The following RNF214 variants were observed in gnomAD, a reference collection of about 807,000 sequenced individuals.
RNF214 encodes ring finger protein 214.
A neutral mutation model predicts 75.9 loss-of-function variants in RNF214; 25 were observed. That is an observed-to-expected ratio of 0.33 (90% CI 0.24 to 0.46). The LOEUF is 0.46. RNF214 is among the 20% of genes least tolerant of loss of function. The pLI is 1.00. For synonymous variants in RNF214, 314 were observed against 308.8 expected (o/e 1.02, Z -0.18); for missense variants, 725 against 857.5 (o/e 0.85, Z 1.93).
At chr11:117,257,067 G>A (rs1285466803) in intron 6 of RNF214, among the ~76,000 whole-genome samples, 1 of 152,168 alleles carries the variant, frequency 6.6e-6, no homozygotes, top group Non-Finnish European at 1.5e-5. Context: ...TGCCGCAGTG[G>A]CTCACATGCC....
At chr11:117,235,024 C>T (rs1198516801) in intron 2 of RNF214, among the ~76,000 whole-genome samples, 1 of 152,124 alleles carries the variant, frequency 6.6e-6, no homozygotes, top group African/African-American at 2.4e-5. Flanking sequence ...TATGCATGTC[C>T]TCCCATATAC....
chr11:117,280,981 G>GC (rs150429730), intron 8 of RNF214, among the ~76,000 whole-genome samples: 1 of 100,770 alleles, frequency 9.9e-6, no homozygotes, highest in Non-Finnish European at 1.9e-5. Context: ...TAGGAATAGG[G>GC]CTTTTTTTTT....
intron 6 of RNF214, among the ~76,000 whole-genome samples, chr11:117,270,805 C>T (rs2033895477): frequency 6.6e-6 from 1 of 152,152 alleles, no homozygotes; most frequent in Non-Finnish European, 1.5e-5. Flanking sequence ...AGGCTGGTCT[C>T]AACTCAAATG....
Position 117,281,588 on chromosome 11 carries a change from T to G in RNF214, c.1237-12T>G, listed in dbSNP as rs1322125930. The G allele has an allele frequency of 6.5e-7, 1 of 1,538,316 alleles. No individual in the cohort carries two copies. Among genetic ancestry groups the G allele is most frequent in the Non-Finnish European group, 8.9e-7 (1 of 1,121,404 alleles). ...TCAGTTCAGCAGTAAAAATAATCCT[T>G]TTTTTTTTTAGGACCAATTTAATAG... On this transcript the variant is annotated splice_polypyrimidine_tract_variant and intron_variant, in intron 9 of 14. Transcript: ENST00000300650.
At chr11:117,278,016 A>T (rs527364679) in intron 6 of RNF214, among the ~76,000 whole-genome samples, 11 of 151,432 alleles carry the variant, frequency 7.3e-5, no homozygotes, top group African/African-American at 2.2e-4. Flanking sequence ...CTTAAGATGT[A>T]ACTCTTGGCC....
At chr11:117,278,301 C>T (rs573841245) in intron 6 of RNF214, among the ~76,000 whole-genome samples, 1 of 152,260 alleles carries the variant, frequency 6.6e-6, no homozygotes, top group South Asian at 2.1e-4. Context: ...GAGACTCTGT[C>T]TCAAAACAAA....
At chr11:117,248,876 A>C (rs1406293781) in intron 6 of RNF214, among the ~76,000 whole-genome samples, 1 of 152,180 alleles carries the variant, frequency 6.6e-6, no homozygotes, top group Admixed American at 6.5e-5. Context: ...AGATGAGTCT[A>C]TAATGTTATT....
intron 6 of RNF214, among the ~76,000 whole-genome samples, chr11:117,278,247 T>C (rs1222453598): frequency 6.6e-6 from 1 of 152,184 alleles, no homozygotes; most frequent in Admixed American, 6.5e-5. Flanking sequence ...GAGGATGCCA[T>C]GAGCCAAGAT....
intron 2 of RNF214, among the ~76,000 whole-genome samples, chr11:117,236,768 A>T (rs1202493876): frequency 6.6e-6 from 1 of 152,232 alleles, no homozygotes; most frequent in Non-Finnish European, 1.5e-5. Flanking sequence ...GCTATGTTGG[A>T]GTCAGAGTTT....
Position 117,282,758 on chromosome 11 carries a change from A to G in RNF214, c.1858A>G (p.Ile620Val). The G allele has an allele frequency of 6.2e-7, 1 of 1,614,130 alleles. No individual in the cohort carries two copies. Among genetic ancestry groups the G allele is most frequent in the Non-Finnish European group, 8.5e-7 (1 of 1,179,978 alleles). ...VAASTQPLGR[I>V]RALFPAPLAQ... ...TTTCTACCTACAGCCACTTGGTCGC[A>G]TCCGGGCCTTGTTCCCTGCTCCACT... The change falls in exon 13 of 15, where the codon ATC becomes GTC. Residue 620 changes from isoleucine (I) to valine (V), a missense_variant. Ile to Val is a conservative substitution (Grantham distance 29). Transcript: ENST00000300650.
chr11:117,235,948 G>C (rs762809397), intron 2 of RNF214, among the ~76,000 whole-genome samples: 1 of 151,732 alleles, frequency 6.6e-6, no homozygotes, highest in Non-Finnish European at 1.5e-5. Flanking sequence ...GAGGCTGACT[G>C]TGTATTCTTC....
At chr11:117,244,650 T>G (rs888996778) in intron 5 of RNF214, 65 bp downstream of exon 5, 93 of 1,209,028 alleles carry the variant, frequency 7.7e-5, no homozygotes, top group Non-Finnish European at 1.0e-4. Context: ...CTTTAATTTT[T>G]TAAAAAACTT....
At position 117,281,905 on chromosome 11, in the gene RNF214, G is replaced by A. The variant is rs763829116; in HGVS notation, c.1347G>A (p.Met449Ile). The A allele has an allele frequency of 1.2e-5, 19 of 1,612,972 alleles. No homozygotes were observed. The highest frequency in any genetic ancestry group is 1.5e-5 in the Non-Finnish European group (18 of 1,179,388). Residue 449 changes from methionine (M) to isoleucine (I), a missense_variant, in exon 11 of 15, where the codon ATG (methionine) becomes ATA (isoleucine). Around this residue, in one of 2 missense-constraint regions of RNF214, gnomAD observed 363 missense variants for 513.0 expected, o/e 0.71. Transcript: ENST00000300650. ...CTTCTCCTCTGCAGACAGACTTCAT[G>A]CTTCAGGTGTTTCAACCCAGTCCCT... Reference protein sequence around the residue: ...LPPPPSETDFMLQVFQPSPSL... With the variant: ...LPPPPSETDFILQVFQPSPSL...
chr11:117,246,662 C>T lies in RNF214; in HGVS notation c.820-147C>T, dbSNP rs556444174. 22 of 739,612 alleles carry T rather than the reference C, an allele frequency of 3.0e-5. No homozygotes were observed. The Admixed American group carries it at 4.4e-4, about 15-fold the overall frequency. The allele number at this position is 739,612 out of a possible 1,614,324, so 45.8% of individuals were successfully genotyped here. On this transcript the variant is annotated intron_variant, in intron 5 of 14. Coordinates refer to ENST00000300650, the MANE Select transcript of RNF214 (RefSeq NM_207343.4). ...TAGGTCTGAATACTGGCTTTTGGAGCTACTCATCAACCACATTCTTTCAAT... is the reference window on the plus strand; with the variant it reads ...TAGGTCTGAATACTGGCTTTTGGAGTTACTCATCAACCACATTCTTTCAAT...
At chr11:117,234,520 T>A in intron 2 of RNF214, 141 bp downstream of exon 2, 1 of 583,788 alleles carries the variant, frequency 1.7e-6, no homozygotes, top group Non-Finnish European at 3.1e-6. Flanking sequence ...TCTATCTTTG[T>A]ATTTCTGGTA....
intron 6 of RNF214, among the ~76,000 whole-genome samples, chr11:117,273,688 T>G (rs1279928256): frequency 6.6e-6 from 1 of 152,166 alleles, no homozygotes; most frequent in Non-Finnish European, 1.5e-5. Context: ...TCAAATCCAT[T>G]TCCCCTGAGG....
intron 13 of RNF214, 41 bp from the exon 14 acceptor site, chr11:117,283,074 G>A (rs769707898): frequency 6.3e-6 from 9 of 1,431,522 alleles, no homozygotes; most frequent in African/African-American, 1.4e-5. Context: ...AGGAGACCCA[G>A]AGGTTCCTTA....
intron 6 of RNF214, among the ~76,000 whole-genome samples, chr11:117,271,859 C>T (rs1476800654): frequency 6.6e-6 from 1 of 152,112 alleles, no homozygotes; most frequent in Non-Finnish European, 1.5e-5. Flanking sequence ...CTCGCTGCAT[C>T]ATACAGGCTG....
In RNF214 at chr11:117,246,905, G is replaced by A. The variant is rs1336881275; in HGVS notation, c.916G>A (p.Asp306Asn). The stretch of plus-strand genomic sequence containing the variant: ...GAAGGAGTTTTTGCAGAAGGAGCAG[G>A]ATCTGAAAGCTGAAATTGAGAAGCT... ...EKKEFLQKEQ[D>N]LKAEIEKLCE... The change falls in exon 6 of 15, where the codon GAT (aspartate) becomes AAT (asparagine). Residue 306 changes from aspartate to asparagine, a missense_variant. Physicochemically the swap from Asp to Asn is conservative, Grantham distance 23 (BLOSUM62 1). Around this residue, in one of 2 missense-constraint regions of RNF214, gnomAD observed 363 missense variants for 513.0 expected, o/e 0.71. Transcript: ENST00000300650. The A allele has an allele frequency of 1.7e-5, 28 of 1,611,820 alleles. No individual in the cohort carries two copies. Among genetic ancestry groups the A allele is most frequent in the Non-Finnish European group, 2.3e-5 (27 of 1,179,284 alleles).
Sources: allele counts gnomAD v4.1 joint callset (sites outside exome capture counted in the v4.1 genomes callset), GRCh38; gene constraint gnomAD v4.1.1; regional missense constraint gnomAD v4.1.1; transcripts MANE v1.5; gene names NCBI Gene and HGNC (gene_info 2026-07-23, HGNC 2026-07-21).